Variants in EFCAB5 observed in about 807,000 individuals in gnomAD.
The protein encoded by EFCAB5 is EF-hand calcium binding domain 5.
Under a neutral mutation model 167.9 loss-of-function variants are expected in EFCAB5, and 131 were observed. The observed-to-expected ratio is 0.78, with a 90% CI of 0.68 to 0.90. The LOEUF (loss-of-function observed/expected upper bound fraction) is 0.90. Ranked by LOEUF, EFCAB5 falls within the 40% of genes least tolerant of loss-of-function variation. The pLI is 0.00. For synonymous variants in EFCAB5, 574 were observed against 602.8 expected, an observed-to-expected ratio of 0.95 and a Z score of 0.70; for missense variants, 1,663 against 1,745.2, an observed-to-expected ratio of 0.95 and a Z score of 0.84.
intron 14 of EFCAB5, chr17:30,068,634 G>A (rs1008382799): frequency 7.9e-6 from 12 of 1,511,912 alleles, no homozygotes; most frequent in African/African-American, 4.2e-5. Flanking sequence ...TCGCTAGGGC[G>A]GTGGACATCA....
rs1420877150 is a variant in EFCAB5, at chr17:29,970,659, CACACACACAT to C, written c.767+1302_767+1311del. ...ACAGACACACACACACACACACACA[CACACACACAT>C]ACACACACACACACACACACACACC... On this transcript the variant is annotated intron_variant, in intron 4 of 22. Coordinates refer to ENST00000394835, the MANE Select transcript of EFCAB5 (RefSeq NM_198529.4). Among the ~76,000 whole-genome samples the C allele has an allele frequency of 2.6e-3, 381 of 146,282 alleles. 2 individuals carry two copies. Among genetic ancestry groups the C allele is most frequent in the African/African-American group, 9.9e-3 (371 of 37,322 alleles).
At chr17:30,069,756 A>G in intron 14 of EFCAB5, 1 of 707,992 alleles carries the variant, frequency 1.4e-6, no homozygotes, top group Admixed American at 2.7e-5. Context: ...ACATTTTATC[A>G]CAGAGCCATT....
At position 30,057,798 on chromosome 17, in the gene EFCAB5, G is replaced by A. The variant is rs1262677482; in HGVS notation, c.2488G>A (p.Asp830Asn). 6.2e-7 allele frequency: 1 copy of A among 1,613,748 alleles called. No homozygotes were observed. The highest frequency in any genetic ancestry group is 8.5e-7 in the Non-Finnish European group (1 of 1,179,814). ...ACTCCTGGAGACATTTGTTGGTGAAGACGCTCCCTTGAGTGTCAGCGAGAC... is the reference window on the plus strand; with the variant it reads ...ACTCCTGGAGACATTTGTTGGTGAAAACGCTCCCTTGAGTGTCAGCGAGAC... ...VQLLETFVGE[D>N]APLSVSETLT... The change falls in exon 13 of 23, where the codon GAC (aspartate) becomes AAC (asparagine). Residue 830 changes from aspartate to asparagine, a missense_variant. Physicochemically the swap from Asp to Asn is conservative, Grantham distance 23. Transcript: ENST00000394835.
In EFCAB5 at chr17:30,080,830, A is replaced by C. The variant is rs370722741; in HGVS notation, c.3275A>C (p.Gln1092Pro). The C allele has an allele frequency of 6.2e-7, 1 of 1,613,774 alleles. No homozygotes were observed. Among genetic ancestry groups the C allele is most frequent in the East Asian group, 2.2e-5 (1 of 44,874 alleles). ...QYHGNIFFWN[Q>P]SRNKHDYNGS... ...CATGGGAACATCTTCTTCTGGAACC[A>C]GTCCCGTAATAAGCATGATTATAAT... Residue 1092 changes from glutamine (Q) to proline (P), a missense_variant, in exon 17 of 23, where the codon CAG (glutamine) becomes CCG (proline). Transcript: ENST00000394835.
intron 7 of EFCAB5, among the ~76,000 whole-genome samples, chr17:30,026,455 C>T (rs1208515946): frequency 2.0e-5 from 3 of 152,086 alleles, no homozygotes; most frequent in Non-Finnish European, 4.4e-5. Flanking sequence ...AGAGGATCTA[C>T]TCTTTCATTT....
intron 1 of EFCAB5, among the ~76,000 whole-genome samples, chr17:29,932,116 C>G (rs2151503430): frequency 6.6e-6 from 1 of 151,476 alleles, no homozygotes; most frequent in East Asian, 1.9e-4. Flanking sequence ...TCAGAATAAA[C>G]TGTAAATAAA....
At chr17:30,025,870 G>T (rs1302959773) in intron 7 of EFCAB5, among the ~76,000 whole-genome samples, 1 of 152,034 alleles carries the variant, frequency 6.6e-6, no homozygotes, top group Non-Finnish European at 1.5e-5. Context: ...TCCTTTGTAG[G>T]GACATGGATG....
At chr17:30,070,421 C>T (rs1451378477) in intron 14 of EFCAB5, among the ~76,000 whole-genome samples, 2 of 152,130 alleles carry the variant, frequency 1.3e-5, no homozygotes, top group African/African-American at 4.8e-5. Flanking sequence ...AGAGGCATCA[C>T]ACTATCAGAC....
At chr17:29,986,898 C>T (rs113244111) in intron 4 of EFCAB5, among the ~76,000 whole-genome samples, 7 of 151,938 alleles carry the variant, frequency 4.6e-5, no homozygotes, top group African/African-American at 1.5e-4. Flanking sequence ...CCGCCCGCCT[C>T]GGCCTCCCAA....
chr17:29,962,175 C>T (rs1222169393), intron 3 of EFCAB5, among the ~76,000 whole-genome samples: 2 of 152,088 alleles, frequency 1.3e-5, no homozygotes, highest in Non-Finnish European at 2.9e-5. Flanking sequence ...ATTCAAGGGC[C>T]TCTGCAGTTT....
intron 20 of EFCAB5, among the ~76,000 whole-genome samples, chr17:30,091,491 A>C (rs1277386404): frequency 6.6e-6 from 1 of 152,212 alleles, no homozygotes; most frequent in African/African-American, 2.4e-5. Context: ...GCACTTTTAC[A>C]TATATCATCT....
chr17:29,978,866 T>C (rs1337013772), intron 4 of EFCAB5, among the ~76,000 whole-genome samples: 1 of 152,240 alleles, frequency 6.6e-6, no homozygotes, highest in East Asian at 1.9e-4. Flanking sequence ...GCTGAAGACC[T>C]TATATGCAAT....
intron 8 of EFCAB5, among the ~76,000 whole-genome samples, chr17:30,035,295 A>G (rs2069586586): frequency 6.6e-6 from 1 of 152,222 alleles, no homozygotes; most frequent in East Asian, 1.9e-4. Flanking sequence ...CTGTTGGCCA[A>G]TTTAACACCA....
chr17:30,072,848 T>C (rs954998815), intron 14 of EFCAB5, among the ~76,000 whole-genome samples: 1 of 152,216 alleles, frequency 6.6e-6, no homozygotes, highest in Non-Finnish European at 1.5e-5. Flanking sequence ...GGGTGTCCAT[T>C]GAAACCATAT....
At chr17:29,957,727 C>G (rs747458340) in intron 3 of EFCAB5, among the ~76,000 whole-genome samples, 5 of 152,130 alleles carry the variant, frequency 3.3e-5, no homozygotes, top group Non-Finnish European at 7.3e-5. Context: ...TCCATTCTAT[C>G]ATTGATGAGT....
intron 14 of EFCAB5, among the ~76,000 whole-genome samples, chr17:30,070,496 C>A (rs1241468068): frequency 6.6e-6 from 1 of 152,012 alleles, no homozygotes; most frequent in Non-Finnish European, 1.5e-5. Flanking sequence ...AACACATAGA[C>A]CAATGGAACA....
At chr17:29,948,123 G>C (rs1008618341) in intron 3 of EFCAB5, among the ~76,000 whole-genome samples, 1 of 152,166 alleles carries the variant, frequency 6.6e-6, no homozygotes, top group Non-Finnish European at 1.5e-5. Context: ...ACCGCGCCTG[G>C]CCTAAATTAA....
intron 22 of EFCAB5, 71 bp downstream of exon 22, chr17:30,093,007 G>T (rs2071230741): frequency 1.6e-6 from 2 of 1,221,060 alleles, no homozygotes; most frequent in Non-Finnish European, 2.3e-6. Context: ...TTTTTATTAG[G>T]ATAAAGCAAG....
chr17:30,022,268 G>A (rs936134104), intron 7 of EFCAB5, among the ~76,000 whole-genome samples: 20 of 152,082 alleles, frequency 1.3e-4, no homozygotes, highest in Non-Finnish European at 2.5e-4. Context: ...TGTTGTATGG[G>A]AGTGTGTCTG....
Sources: gnomAD v4.1 joint callset for allele counts (sites outside exome capture counted in the v4.1 genomes callset) on GRCh38, gnomAD v4.1.1 for gene constraint, MANE v1.5 for transcripts, NCBI Gene and HGNC (gene_info 2026-07-23, HGNC 2026-07-21) for gene names.